WNT5A: variants seen among roughly 807,000 people sequenced by gnomAD.
WNT5A encodes Wnt family member 5A, also known as protein Wnt-5a.
A neutral mutation model predicts 42.1 loss-of-function variants in WNT5A; 9 were observed. The observed-to-expected ratio is 0.21, with a 90% CI of 0.13 to 0.37. WNT5A has a LOEUF of 0.37. WNT5A is among the 10% of genes least tolerant of loss of function. The pLI, the probability that WNT5A is intolerant of heterozygous loss-of-function variation, is 1.00. For synonymous variants in WNT5A, 210 were observed against 210.0 expected, an observed-to-expected ratio of 1.00 and a Z score of 0.00; for missense variants, 426 against 534.0, an observed-to-expected ratio of 0.80 and a Z score of 1.99.
intron 3 of WNT5A, among the ~76,000 whole-genome samples, chr3:55,476,164 G>C (rs1394993191): frequency 6.6e-6 from 1 of 152,214 alleles, no homozygotes; most frequent in East Asian, 1.9e-4. Flanking sequence ...CAGGAGGACA[G>C]CGATGCCAGT....
intron 1 of WNT5A, among the ~76,000 whole-genome samples, chr3:55,482,226 T>C (rs2051479874): frequency 1.3e-5 from 2 of 152,206 alleles, no homozygotes; most frequent in Non-Finnish European, 2.9e-5. Context: ...GAAGGTTCCC[T>C]TCCTGAAGAA....
rs1227498284 is a variant in WNT5A, at chr3:55,483,384, C to G, written c.7-2466G>C. Reference sequence around the variant, plus strand: ...GAGAAAAGGCCCCACAAGTTTGAGACACTCAAAGAACTCACAGCGAACTCA... The same window carrying G: ...GAGAAAAGGCCCCACAAGTTTGAGAGACTCAAAGAACTCACAGCGAACTCA... On this transcript the variant is annotated intron_variant, in intron 1 of 4. Coordinates refer to ENST00000264634, the MANE Select transcript of WNT5A (RefSeq NM_003392.7). The surrounding 1 kb of genome is among the most constrained non-coding windows in gnomAD (Gnocchi z 4.2). Among the ~76,000 whole-genome samples, 3 of 152,122 alleles carry G rather than the reference C, an allele frequency of 2.0e-5. No individual in the cohort carries two copies. Among genetic ancestry groups the G allele is most frequent in the Non-Finnish European group, 4.4e-5 (3 of 68,038 alleles).
In WNT5A at chr3:55,476,679, C is replaced by T. The variant is rs191100409; in HGVS notation, c.392-2050G>A. 9.8e-5 allele frequency among the ~76,000 whole-genome samples: 15 copies of T among 152,288 alleles called. No homozygotes were observed. The East Asian group carries it at 1.9e-3, about 20-fold the overall frequency. On this transcript the variant is annotated intron_variant, in intron 3 of 4. Transcript: ENST00000264634. ...CCGCAGAATACAAACCTGGGAGATC[C>T]CTCTAAGCTAATTGGTCACTGCAGG...
chr3:55,474,517 C>A lies in WNT5A; in HGVS notation c.504G>T (p.Ala168=). The change falls in exon 4 of 5, where the codon GCG becomes GCT. Residue 168 remains alanine, a synonymous_variant. Coordinates refer to ENST00000264634, the MANE Select transcript of WNT5A (RefSeq NM_003392.7). ...AGTCCCGCGGCAGGTCCTTGGGGCG[C>A]GCGGCGCGGCTGCAGCCGCAGGTGG... The part of the protein sequence containing the change: ...ELSTCGCSRA[A]RPKDLPRDWL... 6.4e-7 allele frequency: 1 copy of A among 1,560,042 alleles called. No homozygotes were observed. The highest frequency in any genetic ancestry group is 1.2e-5 in the South Asian group (1 of 84,288).
the WNT5A span, among the ~76,000 whole-genome samples, chr3:55,499,128 G>T: frequency 6.6e-6 from 1 of 152,188 alleles, no homozygotes; most frequent in Non-Finnish European, 1.5e-5. Flanking sequence ...AGTAAAAAAG[G>T]CAAAGTCAGG....
intron 1 of WNT5A, among the ~76,000 whole-genome samples, 195 bp downstream of exon 1, chr3:55,486,785 T>C (rs1277053422): frequency 6.6e-6 from 1 of 152,186 alleles, no homozygotes; most frequent in Non-Finnish European, 1.5e-5. Context: ...AGAAGTGATC[T>C]CCTGGGACAC....
intron 1 of WNT5A, among the ~76,000 whole-genome samples, chr3:55,484,322 G>A (rs1208805003): frequency 6.6e-6 from 1 of 152,222 alleles, no homozygotes; most frequent in Non-Finnish European, 1.5e-5. Context: ...TGCGGGGAGC[G>A]GCGCGAGGAG....
At chr3:55,476,565 T>C (rs1418709097) in intron 3 of WNT5A, among the ~76,000 whole-genome samples, 1 of 152,192 alleles carries the variant, frequency 6.6e-6, no homozygotes, top group African/African-American at 2.4e-5. Flanking sequence ...GACACTGTCC[T>C]TTGAGTATAC....
At chr3:55,499,423 A>G in the WNT5A span, among the ~76,000 whole-genome samples, 3 of 152,196 alleles carry the variant, frequency 2.0e-5, no homozygotes, top group Admixed American at 6.5e-5. Context: ...GCTGACTGAC[A>G]GAAGATGCAG....
rs1427475565 is a variant in WNT5A at position 55,487,023 on chromosome 3, C to T, written c.-38G>A. ...GGGGCGCGGGGAGGAAGTCGCCACCCGAGCGAGCGCAGCCGAGGAATCCGA... is the reference window on the plus strand; with the variant it reads ...GGGGCGCGGGGAGGAAGTCGCCACCTGAGCGAGCGCAGCCGAGGAATCCGA... On this transcript the variant is annotated 5_prime_UTR_variant, in exon 1 of 5. Transcript: ENST00000264634. 4 of 1,606,652 alleles carry T rather than the reference C, an allele frequency of 2.5e-6. No individual in the cohort carries two copies. The highest frequency in any genetic ancestry group is 3.4e-6 in the Non-Finnish European group (4 of 1,176,488).
rs1311343270 is a variant in WNT5A at position 55,467,516 on chromosome 3, T to G, written c.*2576A>C. ...ACTTTGACATGTAGTCATCCTAAAC[T>G]ATCCGTCATGGTTTCTCCAAAAATC... is the stretch of plus-strand genomic sequence containing the variant. On this transcript the variant is annotated 3_prime_UTR_variant, in exon 5 of 5. Transcript: ENST00000264634. The G allele has an allele frequency of 6.6e-6, 1 of 152,568 alleles. No individual in the cohort carries two copies. The highest frequency in any genetic ancestry group is 1.5e-5 in the Non-Finnish European group (1 of 68,024). The allele number at this position is 152,568 out of a possible 1,614,324, so 9.5% of individuals were successfully genotyped here.
intron 3 of WNT5A, among the ~76,000 whole-genome samples, chr3:55,475,945 G>T (rs1427321308): frequency 2.0e-5 from 3 of 152,074 alleles, no homozygotes; most frequent in Non-Finnish European, 4.4e-5. Flanking sequence ...GGGATTGGGG[G>T]GCAGGCTCAC....
intron 3 of WNT5A, among the ~76,000 whole-genome samples, chr3:55,476,077 C>CT (rs1444078815): frequency 2.0e-5 from 3 of 152,244 alleles, no homozygotes; most frequent in African/African-American, 2.4e-5. Flanking sequence ...TGCTAACAAT[C>CT]TTTTTTCTGA....
At position 55,479,411 on chromosome 3, in the gene WNT5A, C is replaced by A. The variant is rs1194784391; in HGVS notation, c.294G>T (p.Lys98Asn). The part of the protein sequence containing the change: ...DHMQYIGEGA[K>N]TGIKECQYQF... ...GATACTGGCATTCTTTGATGCCTGT[C>A]TTCGCGCCTTCTCCGATGTACTGCA... Residue 98 changes from lysine to asparagine, a missense_variant, in exon 3 of 5, where the codon AAG becomes AAT. Physicochemically the swap from Lys to Asn is moderately conservative, Grantham distance 94. This residue lies in a region of WNT5A where 358 missense variants were observed against 468.1 expected (regional missense o/e 0.76). Coordinates refer to ENST00000264634, the MANE Select transcript of WNT5A (RefSeq NM_003392.7). The A allele has an allele frequency of 6.2e-7, 1 of 1,614,026 alleles. No individual in the cohort carries two copies. The highest frequency in any genetic ancestry group is 1.1e-5 in the South Asian group (1 of 91,082).
chr3:55,483,444 G>A lies in WNT5A; in HGVS notation c.7-2526C>T, dbSNP rs935573263. On this transcript the variant is annotated intron_variant, in intron 1 of 4. Transcript: ENST00000264634. This position sits in a 1 kb window ranked among gnomAD's most constrained non-coding sequence, Gnocchi z 4.2. ...CGGCTCTGTAGGGTAAAACATCCCC[G>A]CCTGTTTACCAAGAGATCAGATCCG... is the stretch of plus-strand genomic sequence containing the variant. 6.6e-6 allele frequency among the ~76,000 whole-genome samples: 1 copy of A among 152,108 alleles called. No homozygotes were observed. The highest frequency in any genetic ancestry group is 1.5e-5 in the Non-Finnish European group (1 of 68,018).
At chr3:55,499,013 C>A in the WNT5A span, among the ~76,000 whole-genome samples, 1 of 152,200 alleles carries the variant, frequency 6.6e-6, no homozygotes. Context: ...CCATTATCCT[C>A]CTTGTCTTCT....
intron 1 of WNT5A, among the ~76,000 whole-genome samples, chr3:55,482,424 C>G (rs1008891021): frequency 6.6e-6 from 1 of 152,170 alleles, no homozygotes; most frequent in Non-Finnish European, 1.5e-5. Context: ...TGAAGGAGCC[C>G]CTTCCACAGA....
chr3:55,471,272 TCACACAG>T (rs1414371273), intron 4 of WNT5A, among the ~76,000 whole-genome samples: 19 of 152,172 alleles, frequency 1.2e-4, no homozygotes, highest in African/African-American at 4.6e-4. Flanking sequence ...CCTGCACAGG[TCACACAG>T]CTAAAGTGTG....
chr3:55,496,570 G>A, the WNT5A span, among the ~76,000 whole-genome samples: 6 of 152,242 alleles, frequency 3.9e-5, no homozygotes, highest in Non-Finnish European at 2.9e-5. Flanking sequence ...CTCCACTCAC[G>A]TGTCATTTGT....
Sources: allele counts gnomAD v4.1 joint callset (sites outside exome capture counted in the v4.1 genomes callset), GRCh38; gene constraint gnomAD v4.1.1; regional missense constraint gnomAD v4.1.1; non-coding constraint Gnocchi (gnomAD v3.1); transcripts MANE v1.5; gene names NCBI Gene and HGNC (gene_info 2026-07-23, HGNC 2026-07-21).